Variants in LGI1 observed in about 807,000 individuals in gnomAD.
The protein encoded by LGI1 is leucine-rich glioma-inactivated protein 1.
Under a neutral mutation model 57.7 loss-of-function variants are expected in LGI1, and 11 were observed. That is an observed-to-expected ratio of 0.19 (90% CI 0.12 to 0.32). The LOEUF is 0.32. LGI1 is among the 10% of genes least tolerant of loss of function. The probability of loss-of-function intolerance (pLI) is 1.00; values close to 1 mark genes in which losing one functional copy is unlikely to be tolerated. For synonymous variants in LGI1, 222 were observed against 241.9 expected (o/e 0.92, Z 0.76); for missense variants, 422 against 661.9 (o/e 0.64, Z 3.98).
chr10:93,777,285 A>T, intron 2 of LGI1, 94 bp from the exon 3 acceptor site: 1 of 1,069,756 alleles, frequency 9.3e-7, no homozygotes, highest in Middle Eastern at 2.0e-4. Context: ...ATTTTTCTGT[A>T]TACAACTCCC....
chr10:93,777,521 C>CA (rs1424458374), intron 3 of LGI1, 25 bp from the exon 4 acceptor site: 2 of 1,610,890 alleles, frequency 1.2e-6, no homozygotes, highest in African/African-American at 1.3e-5. Flanking sequence ...AACTGTTTGA[C>CA]AAAAAATATT....
At chr10:93,777,118 G>T in intron 2 of LGI1, 1 of 577,506 alleles carries the variant, frequency 1.7e-6, no homozygotes, top group African/African-American at 1.9e-5. Context: ...TGCTCTGATT[G>T]TATCTCAAAA....
intron 4 of LGI1, chr10:93,789,513 AGT>A (rs1372410137): frequency 6.5e-6 from 1 of 153,526 alleles, no homozygotes; most frequent in African/African-American, 2.4e-5. Context: ...AGCGTCTGAG[AGT>A]GTGAATCTCT....
At chr10:93,777,278 T>A in intron 2 of LGI1, 101 bp from the exon 3 acceptor site, 1 of 1,011,062 alleles carries the variant, frequency 9.9e-7, no homozygotes, top group Non-Finnish European at 1.6e-6. Context: ...TGCAGACATT[T>A]TTCTGTATAC....
intron 4 of LGI1, among the ~76,000 whole-genome samples, chr10:93,779,997 C>T (rs946182016): frequency 1.3e-5 from 2 of 152,192 alleles, no homozygotes; most frequent in African/African-American, 4.8e-5. Context: ...ATGGCAATGC[C>T]ATATGGTTCA....
Position 93,758,445 on chromosome 10 carries a change from G to T in LGI1, c.215+86G>T, listed in dbSNP as rs1349063248. ...TGGGGCTTTGCATGTATTTGTAGAA[G>T]GGCATGGAGAGAGAGATTCCTCTTG... On this transcript the variant is annotated intron_variant, in intron 1 of 7. Coordinates refer to ENST00000371418, the MANE Select transcript of LGI1 (RefSeq NM_005097.4). This position sits in a 1 kb window ranked among gnomAD's most constrained non-coding sequence, Gnocchi z 4.7. The T allele has an allele frequency of 1.6e-6, 2 of 1,268,262 alleles. No homozygotes were observed. Among genetic ancestry groups the T allele is most frequent in the East Asian group, 4.6e-5 (2 of 43,326 alleles). The allele number at this position is 1,268,262 out of a possible 1,614,324, so 78.6% of individuals were successfully genotyped here.
chr10:93,759,808 G>C (rs556875869), intron 2 of LGI1, among the ~76,000 whole-genome samples: 1 of 152,256 alleles, frequency 6.6e-6, no homozygotes, highest in South Asian at 2.1e-4. Context: ...TACATACACA[G>C]AGGCAAACAG....
intron 4 of LGI1, among the ~76,000 whole-genome samples, chr10:93,787,499 A>G (rs10786138): frequency 0.97 from 147,957 of 152,330 alleles, 72,011 homozygotes; most frequent in East Asian, 1. Context: ...CCATAGCTCC[A>G]AGTCTGCAGC....
chr10:93,765,253 T>G (rs2133983545), intron 2 of LGI1: 1 of 152,330 alleles, frequency 6.6e-6, no homozygotes, highest in African/African-American at 2.4e-5. Context: ...AAAATATCAC[T>G]GGACCTCAGC....
intron 2 of LGI1, chr10:93,759,220 G>A (rs1014952833): frequency 7.3e-5 from 18 of 245,436 alleles, no homozygotes; most frequent in Non-Finnish European, 1.3e-4. Flanking sequence ...TGTTGTCTCC[G>A]GGGATCTGGG....
In LGI1 at chr10:93,777,420, C is replaced by T. The variant is rs1172293173; in HGVS notation, c.329C>T (p.Ala110Val). ...TCCTTTGATGTGATCAGTGATGATG[C>T]TTTTATTGGTCTTCCACATCTAGAG... ...SNSFDVISDD[A>V]FIGLPHLEYL... The change falls in exon 3 of 8, where the codon GCT (alanine) becomes GTT (valine). Residue 110 changes from alanine to valine, a missense_variant. Transcript: ENST00000371418. 1 of 1,614,030 alleles carries T rather than the reference C, an allele frequency of 6.2e-7. No individual in the cohort carries two copies. The highest frequency in any genetic ancestry group is 2.2e-5 in the East Asian group (1 of 44,872).
At position 93,785,374 on chromosome 10, in the gene LGI1, T is replaced by C. The variant is rs2059886408; in HGVS notation, c.432-4725T>C. On this transcript the variant is annotated intron_variant, in intron 4 of 7. Transcript: ENST00000371418. Reference sequence around the variant, plus strand: ...AAAGATATGTATATAAAAATATTAGTAGCTACATGTGTTAATTCTCACAAT... The same window carrying C: ...AAAGATATGTATATAAAAATATTAGCAGCTACATGTGTTAATTCTCACAAT... Among the ~76,000 whole-genome samples the C allele has an allele frequency of 2.0e-5, 3 of 152,246 alleles. No homozygotes were observed. The South Asian group carries it at 6.2e-4, about 31-fold the overall frequency.
At chr10:93,772,352 G>A (rs1589758200) in intron 2 of LGI1, among the ~76,000 whole-genome samples, 1 of 152,030 alleles carries the variant, frequency 6.6e-6, no homozygotes, top group Non-Finnish European at 1.5e-5. Context: ...TCTAATAATG[G>A]TACTTTTAGA....
chr10:93,759,596 G>T lies in LGI1; in HGVS notation c.287+765G>T, dbSNP rs148693299. 7.4e-3 allele frequency among the ~76,000 whole-genome samples: 1,131 copies of T among 152,282 alleles called. 5 individuals carry two copies. Among genetic ancestry groups the T allele is most frequent in the Non-Finnish European group, 0.011 (772 of 68,026 alleles). ...CTAGTCCTTACAGCGGTATCACATG[G>T]GGGTCAAGAGGTCTCCCAGGACTCA... On this transcript the variant is annotated intron_variant, in intron 2 of 7. Coordinates refer to ENST00000371418, the MANE Select transcript of LGI1 (RefSeq NM_005097.4).
Position 93,797,737 on chromosome 10 carries a change from T to C in LGI1, c.1608T>C (p.Leu536=). 1 of 1,611,172 alleles carries C rather than the reference T, an allele frequency of 6.2e-7. No homozygotes were observed. The highest frequency in any genetic ancestry group is 8.5e-7 in the Non-Finnish European group (1 of 1,180,004). Residue 536 remains leucine (L), a synonymous_variant, in exon 8 of 8, where the codon CTT becomes CTC. Transcript: ENST00000371418. The surrounding 1 kb of genome is among the most constrained non-coding windows in gnomAD (Gnocchi z 6.5). ...TGTCCATTAATAAGCGTAATTTTCT[T>C]TTTGCTTCCAGTTTTAAGGGAAATA... ...THVSINKRNF[L]FASSFKGNTQ... is the part of the protein sequence containing the mutation.
intron 4 of LGI1, among the ~76,000 whole-genome samples, chr10:93,787,846 G>A (rs138458365): frequency 6.7e-6 from 1 of 149,712 alleles, no homozygotes; most frequent in African/African-American, 2.5e-5. Context: ...CGTTGAGGCT[G>A]CATTAAGCTG....
At chr10:93,784,449 T>C (rs1400621056) in intron 4 of LGI1, among the ~76,000 whole-genome samples, 1 of 152,210 alleles carries the variant, frequency 6.6e-6, no homozygotes, top group Non-Finnish European at 1.5e-5. Context: ...ATTCACTTTA[T>C]AGAAAAGGGA....
chr10:93,794,019 C>CTTTTTTTTTTTTTTT (rs5787082), intron 7 of LGI1: 2 of 87,832 alleles, frequency 2.3e-5, no homozygotes, highest in African/African-American at 4.0e-5. Context: ...CTTTTTTTTT[C>CTTTTTTTTTTTTTTT]TTTTTTTTTT....
chr10:93,797,776 A>G lies in LGI1; in HGVS notation c.1647A>G (p.Lys549=), dbSNP rs759389330. The change falls in exon 8 of 8, where the codon AAA becomes AAG. Residue 549 remains lysine (K), a synonymous_variant. Coordinates refer to ENST00000371418, the MANE Select transcript of LGI1 (RefSeq NM_005097.4). The surrounding 1 kb of genome is among the most constrained non-coding windows in gnomAD (Gnocchi z 6.5). ...TTAAGGGAAATACACAGATTTACAA[A>G]CATGTCATAGTTGACTTAAGCGCAT... The part of the protein sequence containing the change: ...SSFKGNTQIY[K]HVIVDLSA 4 of 1,603,710 alleles carry G rather than the reference A, an allele frequency of 2.5e-6. No individual in the cohort carries two copies. Among genetic ancestry groups the G allele is most frequent in the Non-Finnish European group, 3.4e-6 (4 of 1,179,896 alleles).
Sources: gnomAD v4.1 joint callset for allele counts (sites outside exome capture counted in the v4.1 genomes callset) on GRCh38, gnomAD v4.1.1 for gene constraint, Gnocchi (gnomAD v3.1) non-coding constraint, MANE v1.5 for transcripts, NCBI Gene and HGNC (gene_info 2026-07-23, HGNC 2026-07-21) for gene names.